Variants in DNAJC13 observed in about 807,000 individuals in gnomAD.
DNAJC13 encodes the protein dnaJ homolog subfamily C member 13.
DNAJC13 carries 75 observed loss-of-function variants against 290.5 expected under a neutral mutation model. The ratio of observed to expected loss-of-function variants is 0.26; its 90% CI spans 0.21 to 0.31. The LOEUF (loss-of-function observed/expected upper bound fraction) is 0.31, where lower values mean the gene tolerates loss of function less well. DNAJC13 is among the 10% of genes least tolerant of loss of function. The probability of loss-of-function intolerance (pLI) is 1.00; values close to 1 mark genes in which losing one functional copy is unlikely to be tolerated. For synonymous variants in DNAJC13, 862 were observed against 892.0 expected (o/e 0.97, Z 0.60); for missense variants, 2,260 against 2,674.5 (o/e 0.85, Z 3.42).
chr3:132,505,482 A>G, intron 42 of DNAJC13, 67 bp downstream of exon 42: 1 of 1,041,776 alleles, frequency 9.6e-7, no homozygotes, highest in Non-Finnish European at 1.4e-6. Flanking sequence ...GTACAGCAGT[A>G]TTGATTAGAA....
intron 46 of DNAJC13, among the ~76,000 whole-genome samples, chr3:132,515,441 AT>A (rs926824620): frequency 6.0e-4 from 89 of 149,256 alleles, no homozygotes; most frequent in Middle Eastern, 3.4e-3. Flanking sequence ...TTCCATGGAA[AT>A]TTTTTTTTTT....
At chr3:132,474,104 C>T (rs1276795480) in intron 21 of DNAJC13, among the ~76,000 whole-genome samples, 1 of 152,206 alleles carries the variant, frequency 6.6e-6, no homozygotes, top group Non-Finnish European at 1.5e-5. Context: ...TTGCAGTATT[C>T]TTTCTTGGGT....
intron 2 of DNAJC13, among the ~76,000 whole-genome samples, chr3:132,438,050 CAA>C (rs35454328): frequency 0.019 from 2,082 of 109,030 alleles, 34 homozygotes; most frequent in African/African-American, 0.053. Flanking sequence ...GACCGTGTCT[CAA>C]AAAAAAAAAA....
At position 132,461,256 on chromosome 3, in the gene DNAJC13, C is replaced by T. The variant is rs1464733597; in HGVS notation, c.1713+51C>T. ...GATAACAGTGAATTTAAGGGAACCG[C>T]TTTTAGGATCACTGTTTCTAAGATA... On this transcript the variant is annotated intron_variant, in intron 15 of 55. Transcript: ENST00000260818. The T allele has an allele frequency of 3.8e-6, 6 of 1,576,752 alleles. No homozygotes were observed. The African/African-American group carries it at 4.1e-5, about 11-fold the overall frequency.
In DNAJC13 at chr3:132,526,191, T is replaced by C. The variant is rs1936251871; in HGVS notation, c.6291T>C (p.Asn2097=). The change falls in exon 53 of 56, where the codon AAT becomes AAC. Residue 2097 remains asparagine, a synonymous_variant. Transcript: ENST00000260818. ...TAGAGACCATTGGCCCACTGATGAA[T>C]GGAATGAAAAAGCGAGCAGATACTG... ...ASLETIGPLM[N]GMKKRADTVG... is the part of the protein sequence containing the mutation. 1 of 1,614,116 alleles carries C rather than the reference T, an allele frequency of 6.2e-7. No individual in the cohort carries two copies. The highest frequency in any genetic ancestry group is 8.5e-7 in the Non-Finnish European group (1 of 1,180,000).
At chr3:132,420,113 A>G (rs950120069) in intron 1 of DNAJC13, among the ~76,000 whole-genome samples, 4 of 152,224 alleles carry the variant, frequency 2.6e-5, no homozygotes, top group African/African-American at 9.6e-5. Flanking sequence ...ATTTCTGTTT[A>G]CCGTCTTCAG....
intron 27 of DNAJC13, 124 bp downstream of exon 27, chr3:132,482,454 G>A (rs1225515112): frequency 9.5e-6 from 6 of 629,888 alleles, no homozygotes; most frequent in African/African-American, 1.9e-5. Flanking sequence ...AGCTCCAAGG[G>A]CCCTGCAACT....
In DNAJC13 at chr3:132,450,794, C is replaced by T. The variant is rs760338262; in HGVS notation, c.484C>T (p.Leu162Phe). ...TAGAAATATTGAAGGATTTGTAGATCTCTCAGATTATCAAGGAGGATTTTG... is the reference window on the plus strand; with the variant it reads ...TAGAAATATTGAAGGATTTGTAGATTTCTCAGATTATCAAGGAGGATTTTG... Reference protein sequence around the residue: ...DYRNIEGFVDLSDYQGGFCIL... With the variant: ...DYRNIEGFVDFSDYQGGFCIL... The change falls in exon 6 of 56, where the codon CTC (leucine) becomes TTC (phenylalanine). Residue 162 changes from leucine to phenylalanine, a missense_variant. By Grantham distance (22) the Leu-to-Phe change is conservative. Around this residue, in one of 3 missense-constraint regions of DNAJC13, gnomAD observed 762 missense variants for 964.1 expected, o/e 0.79. Transcript: ENST00000260818. The T allele has an allele frequency of 4.4e-6, 7 of 1,605,426 alleles. No individual in the cohort carries two copies. The Admixed American group carries it at 8.4e-5, about 19-fold the overall frequency.
At chr3:132,493,622 T>C (rs1935135107) in intron 33 of DNAJC13, among the ~76,000 whole-genome samples, 1 of 152,136 alleles carries the variant, frequency 6.6e-6, no homozygotes, top group Non-Finnish European at 1.5e-5. Flanking sequence ...AGAGCTTTTT[T>C]TTTCCCATTT....
intron 37 of DNAJC13, 52 bp downstream of exon 37, chr3:132,499,362 G>T: frequency 7.0e-7 from 1 of 1,421,316 alleles, no homozygotes. Context: ...CACATTATAT[G>T]ACTCTTGGCA....
In DNAJC13 at chr3:132,434,175, A is replaced by T. The variant is rs531179635; in HGVS notation, c.-13-363A>T. ...CAGTGAGCCGAGATCTCGCCACTGC[A>T]CTCCAGCCTGGGCGACAGTGCGAGA... On this transcript the variant is annotated intron_variant, in intron 1 of 55. Transcript: ENST00000260818. 1.5e-4 allele frequency among the ~76,000 whole-genome samples: 23 copies of T among 150,778 alleles called. No homozygotes were observed. The South Asian group carries it at 4.2e-3, about 27-fold the overall frequency.
intron 43 of DNAJC13, among the ~76,000 whole-genome samples, chr3:132,508,372 C>T (rs539909735): frequency 3.5e-4 from 53 of 152,280 alleles, no homozygotes; most frequent in African/African-American, 1.2e-3. Context: ...TTTCTAATGC[C>T]TTCTATTGGG....
At chr3:132,455,384 CTGG>C (rs1468808642) in intron 9 of DNAJC13, among the ~76,000 whole-genome samples, 1 of 152,094 alleles carries the variant, frequency 6.6e-6, no homozygotes, top group Non-Finnish European at 1.5e-5. Flanking sequence ...TCATACATTG[CTGG>C]TAAGAAGGTA....
At position 132,478,081 on chromosome 3, in the gene DNAJC13, T is replaced by A. The variant is rs754459116; in HGVS notation, c.2650T>A (p.Cys884Ser). 1 of 1,613,618 alleles carries A rather than the reference T, an allele frequency of 6.2e-7. No homozygotes were observed. Among genetic ancestry groups the A allele is most frequent in the Non-Finnish European group, 8.5e-7 (1 of 1,179,792 alleles). The change falls in exon 24 of 56, where the codon TGT becomes AGT. Residue 884 changes from cysteine (C) to serine (S), a missense_variant. By Grantham distance (112) the Cys-to-Ser change is moderately radical (BLOSUM62 -1). Around this residue, in one of 3 missense-constraint regions of DNAJC13, gnomAD observed 1,494 missense variants for 1,693.7 expected, o/e 0.88. Transcript: ENST00000260818. ...AGCCCTTGCTATTGTTTATGGCAGATGTCACGAAGAAATAGGACCTTTTAC... is the reference window on the plus strand; with the variant it reads ...AGCCCTTGCTATTGTTTATGGCAGAAGTCACGAAGAAATAGGACCTTTTAC... ...LQALAIVYGR[C>S]HEEIGPFTDT...
intron 50 of DNAJC13, 78 bp downstream of exon 50, chr3:132,523,277 C>T (rs778955357): frequency 4.9e-5 from 72 of 1,471,604 alleles, no homozygotes; most frequent in Non-Finnish European, 6.2e-5. Context: ...AGTTTAATGC[C>T]GACCTATAAC....
Position 132,466,222 on chromosome 3 carries a change from C to T in DNAJC13, c.1969-77C>T, listed in dbSNP as rs575253520. 1.8e-5 allele frequency: 27 copies of T among 1,479,492 alleles called. No homozygotes were observed. The African/African-American group carries it at 3.5e-4, about 19-fold the overall frequency. 91.6% of individuals were successfully genotyped at this position (1,479,492 alleles called of 1,614,324 possible). A position where few individuals can be genotyped will look rare whatever the true frequency, so the allele number is the denominator to read the frequency against. On this transcript the variant is annotated intron_variant, in intron 18 of 55. Transcript: ENST00000260818. Reference sequence around the variant, plus strand: ...AGTTTTACCCTCAATAGCTAAGCCACAGTATTAATTTATTTGGGTTTTTAA... The same window carrying T: ...AGTTTTACCCTCAATAGCTAAGCCATAGTATTAATTTATTTGGGTTTTTAA...
At chr3:132,426,604 G>A (rs13316547) in intron 1 of DNAJC13, among the ~76,000 whole-genome samples, 3,643 of 152,206 alleles carry the variant, frequency 0.024, 44 homozygotes, top group Middle Eastern at 0.037. Flanking sequence ...GACTGTTACT[G>A]ATATTACCTG....
At chr3:132,458,995 C>T (rs898444437) in intron 13 of DNAJC13, among the ~76,000 whole-genome samples, 1 of 152,096 alleles carries the variant, frequency 6.6e-6, no homozygotes, top group Non-Finnish European at 1.5e-5. Context: ...CAGGCCTTGT[C>T]AAGCTGTTTA....
At chr3:132,452,477 C>T (rs1340778839) in intron 6 of DNAJC13, among the ~76,000 whole-genome samples, 1 of 152,174 alleles carries the variant, frequency 6.6e-6, no homozygotes, top group Non-Finnish European at 1.5e-5. Flanking sequence ...CTGAGGAGGA[C>T]AATTCTTTCT....
Sources: allele counts gnomAD v4.1 joint callset (sites outside exome capture counted in the v4.1 genomes callset), GRCh38; gene constraint gnomAD v4.1.1; regional missense constraint gnomAD v4.1.1; transcripts MANE v1.5; gene names NCBI Gene and HGNC (gene_info 2026-07-23, HGNC 2026-07-21).